The following RCSD1 variants were observed in gnomAD, a reference collection of about 807,000 sequenced individuals.
The protein encoded by RCSD1 is capZ-interacting protein.
A neutral mutation model predicts 42.5 loss-of-function variants in RCSD1; 26 were observed. That is an observed-to-expected ratio of 0.61 (90% CI 0.45 to 0.85). RCSD1 has a LOEUF of 0.85. RCSD1 is among the 40% of genes least tolerant of loss of function. The pLI is 0.00. For synonymous variants in RCSD1, 220 were observed against 212.2 expected (o/e 1.04, Z -0.32); for missense variants, 571 against 528.3 (o/e 1.08, Z -0.79).
chr1:167,694,063 T>C, intron 4 of RCSD1, 36 bp from the exon 5 acceptor site: 2 of 1,603,818 alleles, frequency 1.2e-6, no homozygotes, highest in South Asian at 1.1e-5. Context: ...ATCTTCTCCC[T>C]AGTCCTATTT....
chr1:167,685,718 A>G (rs1035587779), intron 3 of RCSD1, among the ~76,000 whole-genome samples: 1 of 152,116 alleles, frequency 6.6e-6, no homozygotes, highest in African/African-American at 2.4e-5. Flanking sequence ...CCTTTTACTG[A>G]GGCTCCTTTA....
chr1:167,680,932 T>C (rs539449980), intron 1 of RCSD1, among the ~76,000 whole-genome samples: 161 of 152,326 alleles, frequency 1.1e-3, no homozygotes, highest in African/African-American at 3.6e-3. Context: ...GGTGAGGGTA[T>C]GGCCTTAGCG....
chr1:167,689,414 G>A (rs958102488), intron 3 of RCSD1, among the ~76,000 whole-genome samples: 3 of 149,574 alleles, frequency 2.0e-5, no homozygotes, highest in Admixed American at 6.7e-5. Context: ...CCCAGGAGGC[G>A]AAGGTTGCAG....
At chr1:167,652,759 G>C (rs931778457) in intron 1 of RCSD1, among the ~76,000 whole-genome samples, 3 of 152,082 alleles carry the variant, frequency 2.0e-5, no homozygotes, top group Admixed American at 2.0e-4. Context: ...CCATGTGTGA[G>C]AAATGTTGGA....
At chr1:167,691,165 C>T (rs962794963) in intron 4 of RCSD1, among the ~76,000 whole-genome samples, 6 of 152,204 alleles carry the variant, frequency 3.9e-5, no homozygotes, top group African/African-American at 1.2e-4. Context: ...AGCAGCATCC[C>T]TTTCCCACCC....
chr1:167,651,488 G>T lies in RCSD1; in HGVS notation c.6+21059G>T, dbSNP rs896750992. ...GCACTGTTGCTATGCAACTCTCCTCGCACGCCGACCTGGGCCCAGCTTCCC... is the reference window on the plus strand; with the variant it reads ...GCACTGTTGCTATGCAACTCTCCTCTCACGCCGACCTGGGCCCAGCTTCCC... On this transcript the variant is annotated intron_variant, in intron 1 of 6. Transcript: ENST00000367854. Among the ~76,000 whole-genome samples the T allele has an allele frequency of 3.9e-5, 6 of 152,314 alleles. No individual in the cohort carries two copies. In the East Asian group the frequency reaches 5.8e-4, roughly 15 times the overall value.
At chr1:167,693,801 C>T (rs1336140854) in intron 4 of RCSD1, among the ~76,000 whole-genome samples, 2 of 152,198 alleles carry the variant, frequency 1.3e-5, no homozygotes, top group East Asian at 1.9e-4. Flanking sequence ...GTTGCTGCTT[C>T]GCCACTTTGT....
intron 1 of RCSD1, among the ~76,000 whole-genome samples, chr1:167,678,129 G>A (rs1658993475): frequency 6.6e-6 from 1 of 152,160 alleles, no homozygotes; most frequent in Non-Finnish European, 1.5e-5. Flanking sequence ...GGTGACTAAG[G>A]AGACATCCCA....
chr1:167,672,844 T>C (rs940382438), intron 1 of RCSD1, among the ~76,000 whole-genome samples: 13 of 152,242 alleles, frequency 8.5e-5, no homozygotes, highest in Non-Finnish European at 4.4e-5. Flanking sequence ...ATTGTCCCTG[T>C]TCCACAGTAG....
chr1:167,695,926 C>A (rs934785333), intron 5 of RCSD1, among the ~76,000 whole-genome samples: 1 of 152,168 alleles, frequency 6.6e-6, no homozygotes, highest in Admixed American at 6.5e-5. Flanking sequence ...TGAGAAGAGG[C>A]CTGATTCTGA....
rs371504704 is a variant in RCSD1, at chr1:167,694,177, C to T, written c.349C>T (p.Pro117Ser). The stretch of plus-strand genomic sequence containing the variant: ...TCCTGGACTCAAGGCTATGGTGTCG[C>T]CATTTCACAGCCCACCTTCTACCCC... ...KSPGLKAMVS[P>S]FHSPPSTPSS... The change falls in exon 5 of 7, where the codon CCA (proline) becomes TCA (serine). Residue 117 changes from proline to serine, a missense_variant. Coordinates refer to ENST00000367854, the MANE Select transcript of RCSD1 (RefSeq NM_052862.4). 3.1e-6 allele frequency: 5 copies of T among 1,614,088 alleles called. No individual in the cohort carries two copies. In the African/African-American group the frequency reaches 5.3e-5, roughly 17 times the overall value.
chr1:167,698,990 G>A (rs1165963218), intron 6 of RCSD1, among the ~76,000 whole-genome samples: 2 of 151,834 alleles, frequency 1.3e-5, no homozygotes, highest in African/African-American at 4.8e-5. Flanking sequence ...TAGTGGAGAC[G>A]GGTTTCACCG....
chr1:167,693,283 G>A (rs1237992687), intron 4 of RCSD1, among the ~76,000 whole-genome samples: 2 of 152,174 alleles, frequency 1.3e-5, no homozygotes, highest in Non-Finnish European at 2.9e-5. Context: ...GCCTTAAAGA[G>A]GATCGGACTC....
intron 1 of RCSD1, among the ~76,000 whole-genome samples, chr1:167,675,878 G>A (rs1434515003): frequency 1.3e-5 from 2 of 152,112 alleles, no homozygotes; most frequent in African/African-American, 2.4e-5. Context: ...TTAGCTAGCT[G>A]GGGCTCTATC....
Position 167,697,482 on chromosome 1 carries a change from G to A in RCSD1, c.858G>A (p.Gln286=). The change falls in exon 6 of 7, where the codon CAG becomes CAA. Residue 286 remains glutamine (Q), a synonymous_variant. Coordinates refer to ENST00000367854, the MANE Select transcript of RCSD1 (RefSeq NM_052862.4). ...PAQEEVPESP[Q]TSGPEAENRC... is the part of the protein sequence containing the mutation. ...AAGAGGAGGTCCCGGAATCGCCCCA[G>A]ACCTCTGGCCCAGAGGCAGAAAATA... The A allele has an allele frequency of 6.2e-7, 1 of 1,609,570 alleles. No homozygotes were observed. Among genetic ancestry groups the A allele is most frequent in the South Asian group, 1.1e-5 (1 of 90,346 alleles).
intron 1 of RCSD1, among the ~76,000 whole-genome samples, chr1:167,668,487 A>T (rs77849751): frequency 0.022 from 3,281 of 152,226 alleles, 112 homozygotes; most frequent in African/African-American, 0.073. Context: ...TTTAAATGTC[A>T]CATCTTTGGG....
At chr1:167,703,183 C>A (rs1446644414) in intron 6 of RCSD1, among the ~76,000 whole-genome samples, 1 of 152,166 alleles carries the variant, frequency 6.6e-6, no homozygotes, top group Non-Finnish European at 1.5e-5. Context: ...CCTATTTCTT[C>A]TCAGTTCTTT....
At chr1:167,665,219 A>T (rs1319532368) in intron 1 of RCSD1, among the ~76,000 whole-genome samples, 1 of 152,158 alleles carries the variant, frequency 6.6e-6, no homozygotes, top group Non-Finnish European at 1.5e-5. Context: ...ACCATACGGG[A>T]AGTCATTTCT....
chr1:167,684,476 G>A (rs1227347790), intron 2 of RCSD1, among the ~76,000 whole-genome samples: 2 of 152,216 alleles, frequency 1.3e-5, no homozygotes, highest in Admixed American at 1.3e-4. Context: ...GGAAGGAAGA[G>A]CGTCCGGTGA....
Sources: gnomAD v4.1 joint callset for allele counts (sites outside exome capture counted in the v4.1 genomes callset) on GRCh38, gnomAD v4.1.1 for gene constraint, MANE v1.5 for transcripts, NCBI Gene and HGNC (gene_info 2026-07-23, HGNC 2026-07-21) for gene names.